ZNF385D: variants seen among roughly 807,000 people sequenced by gnomAD.
ZNF385D encodes the protein zinc finger protein 659.
A neutral mutation model predicts 35.8 loss-of-function variants in ZNF385D; 15 were observed. That is an observed-to-expected ratio of 0.42 (90% CI 0.28 to 0.64). The LOEUF is 0.64. ZNF385D is among the 30% of genes least tolerant of loss of function. ZNF385D has a pLI of 0.23. For synonymous variants in ZNF385D, 212 were observed against 186.8 expected, an observed-to-expected ratio of 1.13 and a Z score of -1.10; for missense variants, 474 against 494.6, an observed-to-expected ratio of 0.96 and a Z score of 0.39.
intron 1 of ZNF385D, among the ~76,000 whole-genome samples, chr3:21,742,573 C>T (rs6767189): frequency 6.6e-6 from 1 of 151,682 alleles, no homozygotes. Context: ...TACCAATGAG[C>T]GGCAGAAGGC....
chr3:21,619,413 C>T lies in ZNF385D; in HGVS notation c.165+45473G>A, dbSNP rs200839106. On this transcript the variant is annotated intron_variant, in intron 2 of 7. Coordinates refer to ENST00000281523, the MANE Select transcript of ZNF385D (RefSeq NM_024697.3). ...TTTCTTAGTTGTCATCGTGTGTGTG[C>T]GTGTGTGTGTGTGTGTGTGTGTGTG... Among the ~76,000 whole-genome samples the T allele has an allele frequency of 4.3e-3, 642 of 147,848 alleles. 1 individual carries two copies. The highest frequency in any genetic ancestry group is 0.017 in the Middle Eastern group (5 of 286).
intron 1 of ZNF385D, among the ~76,000 whole-genome samples, chr3:21,697,814 G>T (rs2067525360): frequency 6.6e-6 from 1 of 151,932 alleles, no homozygotes; most frequent in Non-Finnish European, 1.5e-5. Context: ...TCTCAAAAAA[G>T]GACATAAAAG....
chr3:21,881,850 T>C (rs774388331), intron 3 of ZNF385D, among the ~76,000 whole-genome samples: 7 of 152,002 alleles, frequency 4.6e-5, no homozygotes, highest in Non-Finnish European at 1.0e-4. Flanking sequence ...CCAACCCTCA[T>C]GGATGACTGA....
intron 1 of ZNF385D, among the ~76,000 whole-genome samples, chr3:21,735,304 C>T (rs1437250735): frequency 1.3e-5 from 2 of 152,122 alleles, no homozygotes; most frequent in Admixed American, 1.3e-4. Flanking sequence ...ATGACCATCC[C>T]TTATATCCCT....
At chr3:21,744,008 A>G (rs2069643088) in intron 1 of ZNF385D, among the ~76,000 whole-genome samples, 1 of 152,198 alleles carries the variant, frequency 6.6e-6, no homozygotes, top group Admixed American at 6.5e-5. Flanking sequence ...TACTGTTACA[A>G]ATAATCTTCC....
intron 3 of ZNF385D, among the ~76,000 whole-genome samples, chr3:21,950,110 T>G (rs150532222): frequency 1.3e-5 from 2 of 152,036 alleles, no homozygotes; most frequent in African/African-American, 4.8e-5. Context: ...TTTCTGGTTC[T>G]AGATCCTTGA....
intron 3 of ZNF385D, among the ~76,000 whole-genome samples, chr3:21,802,176 G>C (rs1420338564): frequency 6.6e-6 from 1 of 152,036 alleles, no homozygotes; most frequent in African/African-American, 2.4e-5. Context: ...ATGTACATTA[G>C]CTAATGTAGA....
chr3:21,519,130 G>T (rs544611957), intron 3 of ZNF385D, among the ~76,000 whole-genome samples: 5 of 152,200 alleles, frequency 3.3e-5, no homozygotes, highest in Admixed American at 2.6e-4. Flanking sequence ...GAAAAAAAGG[G>T]GGGGAAAGAT....
chr3:22,149,986 T>G (rs1387989551), intron 3 of ZNF385D, among the ~76,000 whole-genome samples: 1 of 152,186 alleles, frequency 6.6e-6, no homozygotes, highest in African/African-American at 2.4e-5. Flanking sequence ...CCTAAAGCCC[T>G]TTATGTCCAA....
At chr3:22,327,338 A>G (rs1319385337) in intron 2 of ZNF385D, among the ~76,000 whole-genome samples, 1 of 151,892 alleles carries the variant, frequency 6.6e-6, no homozygotes, top group Non-Finnish European at 1.5e-5. Flanking sequence ...TAAATTTTCT[A>G]AATTAAACTA....
At chr3:22,088,745 T>C (rs909714476) in intron 3 of ZNF385D, among the ~76,000 whole-genome samples, 1 of 152,052 alleles carries the variant, frequency 6.6e-6, no homozygotes. Context: ...ATTCCCAAGA[T>C]AAGACCTTAG....
At chr3:21,969,574 T>C (rs141068784) in intron 3 of ZNF385D, among the ~76,000 whole-genome samples, 1,533 of 152,292 alleles carry the variant, frequency 0.01, 33 homozygotes, top group African/African-American at 0.034. Flanking sequence ...GGTGCTTGAC[T>C]CCAGGCCCTG....
intron 2 of ZNF385D, among the ~76,000 whole-genome samples, chr3:22,312,463 G>A (rs1178099976): frequency 1.3e-5 from 2 of 151,864 alleles, no homozygotes; most frequent in South Asian, 2.1e-4. Context: ...GAGTGAACAG[G>A]CAACCTACAG....
intron 3 of ZNF385D, among the ~76,000 whole-genome samples, chr3:21,828,415 T>A (rs1481468111): frequency 6.6e-6 from 1 of 152,120 alleles, no homozygotes; most frequent in Non-Finnish European, 1.5e-5. Context: ...TTGGTGCCCA[T>A]TAGAGAAATA....
At chr3:21,738,099 C>A (rs369126608) in intron 1 of ZNF385D, among the ~76,000 whole-genome samples, 11 of 152,224 alleles carry the variant, frequency 7.2e-5, no homozygotes, top group Non-Finnish European at 1.0e-4. Context: ...CCTCAGGCCC[C>A]ACCTGCCAGG....
intron 3 of ZNF385D, among the ~76,000 whole-genome samples, chr3:22,033,402 A>AAATAATAAAAT: frequency 1.4e-5 from 2 of 139,394 alleles, no homozygotes; most frequent in African/African-American, 5.4e-5. Context: ...GCTGGCTCCA[A>AAATAATAAAAT]AATAATAATA....
At chr3:22,059,967 G>A (rs1176484500) in intron 3 of ZNF385D, among the ~76,000 whole-genome samples, 1 of 152,146 alleles carries the variant, frequency 6.6e-6, no homozygotes, top group Non-Finnish European at 1.5e-5. Context: ...AAAAGTGAAG[G>A]GAGGGTGACT....
At chr3:22,115,552 G>T (rs924116161) in intron 3 of ZNF385D, among the ~76,000 whole-genome samples, 5 of 152,022 alleles carry the variant, frequency 3.3e-5, no homozygotes, top group African/African-American at 1.2e-4. Flanking sequence ...AATGCTGTAT[G>T]GCAGCTATAA....
intron 1 of ZNF385D, among the ~76,000 whole-genome samples, chr3:21,678,398 G>A (rs2066794328): frequency 6.6e-6 from 1 of 152,074 alleles, no homozygotes; most frequent in Non-Finnish European, 1.5e-5. Context: ...CAATGTGACT[G>A]AATGCCTTGA....
Sources: allele counts gnomAD v4.1 joint callset (sites outside exome capture counted in the v4.1 genomes callset), GRCh38; gene constraint gnomAD v4.1.1; transcripts MANE v1.5; gene names NCBI Gene and HGNC (gene_info 2026-07-23, HGNC 2026-07-21).